SCAPER: variants seen among roughly 807,000 people sequenced by gnomAD.
SCAPER encodes the protein S-phase cyclin A associated protein in the ER, also known as S phase cyclin A-associated protein in the endoplasmic reticulum.
Under a neutral mutation model 182.2 loss-of-function variants are expected in SCAPER, and 98 were observed. The observed-to-expected ratio is 0.54, with a 90% confidence interval of 0.46 to 0.64. SCAPER has a LOEUF of 0.64. SCAPER is among the 30% of genes least tolerant of loss of function. The probability of loss-of-function intolerance (pLI) is 0.00; values close to 1 mark genes in which losing one functional copy is unlikely to be tolerated. For synonymous variants in SCAPER, 605 were observed against 564.6 expected, an observed-to-expected ratio of 1.07 and a Z score of -1.01; for missense variants, 1,432 against 1,690.0, an observed-to-expected ratio of 0.85 and a Z score of 2.68.
intron 8 of SCAPER, among the ~76,000 whole-genome samples, chr15:76,788,130 A>AC (rs2064748380): frequency 6.6e-6 from 1 of 152,220 alleles, no homozygotes; most frequent in African/African-American, 2.4e-5. Flanking sequence ...CACAATGCAC[A>AC]TATAAAAATA....
Position 76,488,714 on chromosome 15 carries a change from C to CTTTTTTT in SCAPER, c.2954+16138_2954+16144dup, listed in dbSNP as rs71143333. 2.2e-3 allele frequency among the ~76,000 whole-genome samples: 201 copies of CTTTTTTT among 93,116 alleles called. 44 individuals carry two copies. The highest frequency in any genetic ancestry group is 7.4e-3 in the African/African-American group (156 of 20,940). 61.1% of individuals were successfully genotyped at this position (93,116 alleles called of 152,430 possible). A position where few individuals can be genotyped will look rare whatever the true frequency, so the allele number is the denominator to read the frequency against. On this transcript the variant is annotated intron_variant, in intron 24 of 31. Transcript: ENST00000563290. The stretch of plus-strand genomic sequence containing the variant: ...TTGCATCCTGATAACAGTACACTGC[C>CTTTTTTT]TTTTTTTTTTTTTTTTTTTTTTTTT...
chr15:76,888,470 G>A (rs2073980542), intron 1 of SCAPER, among the ~76,000 whole-genome samples: 1 of 152,170 alleles, frequency 6.6e-6, no homozygotes, highest in African/African-American at 2.4e-5. Flanking sequence ...ACAGTGGAGA[G>A]AAGACCTTAA....
At chr15:76,539,549 T>C (rs111879700) in intron 23 of SCAPER, among the ~76,000 whole-genome samples, 2,338 of 147,358 alleles carry the variant, frequency 0.016, 70 homozygotes, top group African/African-American at 0.054. Context: ...AAATTTCTTT[T>C]TTTTTTTTTT....
chr15:76,492,024 T>C (rs1022582197), intron 24 of SCAPER, among the ~76,000 whole-genome samples: 1 of 152,234 alleles, frequency 6.6e-6, no homozygotes, highest in African/African-American at 2.4e-5. Context: ...AATCTCTTCA[T>C]GTGCTTACTT....
At chr15:76,577,448 A>G (rs2120107) in intron 22 of SCAPER, among the ~76,000 whole-genome samples, 71,903 of 151,846 alleles carry the variant, frequency 0.47, 18,402 homozygotes, top group Middle Eastern at 0.64. Context: ...CCCTGTTTCA[A>G]AAAGAAGAAG....
intron 15 of SCAPER, among the ~76,000 whole-genome samples, chr15:76,743,924 A>C (rs1262065229): frequency 6.6e-6 from 1 of 152,200 alleles, no homozygotes; most frequent in East Asian, 1.9e-4. Context: ...ACAGCATGGT[A>C]CTGGTACAAA....
At chr15:76,359,806 C>T (rs2041268823) in intron 29 of SCAPER, among the ~76,000 whole-genome samples, 1 of 152,186 alleles carries the variant, frequency 6.6e-6, no homozygotes, top group East Asian at 1.9e-4. Context: ...GGTATTGAAT[C>T]CTCCATTGCT....
intron 27 of SCAPER, among the ~76,000 whole-genome samples, chr15:76,394,831 C>T (rs1004009154): frequency 7.9e-5 from 12 of 152,134 alleles, no homozygotes; most frequent in Non-Finnish European, 1.2e-4. Context: ...AGCATTTATC[C>T]TTTGTGTTAC....
chr15:76,760,451 C>T (rs1440685543), intron 14 of SCAPER, among the ~76,000 whole-genome samples: 1 of 152,210 alleles, frequency 6.6e-6, no homozygotes, highest in African/African-American at 2.4e-5. Flanking sequence ...ATGCCCTCTC[C>T]AGGTGTGCCA....
chr15:76,604,698 T>A (rs969608405), intron 22 of SCAPER, among the ~76,000 whole-genome samples: 18 of 152,158 alleles, frequency 1.2e-4, no homozygotes, highest in Non-Finnish European at 2.6e-4. Context: ...CTCCTTTATT[T>A]CACTGAGCAG....
intron 24 of SCAPER, chr15:76,472,413 T>C: frequency 1.6e-6 from 1 of 629,510 alleles, no homozygotes; most frequent in Non-Finnish European, 2.9e-6. Flanking sequence ...GACTGTATAG[T>C]TTGAAATACT....
chr15:76,621,688 T>C (rs1414998812), intron 22 of SCAPER, 76 bp downstream of exon 22: 6 of 1,172,476 alleles, frequency 5.1e-6, no homozygotes, highest in African/African-American at 1.5e-5. Context: ...ATTACAGACA[T>C]AACATGATGG....
intron 1 of SCAPER, among the ~76,000 whole-genome samples, chr15:76,888,077 G>A (rs2073951718): frequency 6.6e-6 from 1 of 152,236 alleles, no homozygotes; most frequent in Admixed American, 6.5e-5. Context: ...CAGACCTGCA[G>A]CTGAGGGACC....
intron 20 of SCAPER, among the ~76,000 whole-genome samples, chr15:76,678,882 G>A (rs2057524321): frequency 6.6e-6 from 1 of 152,088 alleles, no homozygotes; most frequent in African/African-American, 2.4e-5. Flanking sequence ...TATGTATCAA[G>A]GACTTATGCT....
At chr15:76,842,652 C>T (rs991141102) in intron 4 of SCAPER, among the ~76,000 whole-genome samples, 1 of 152,120 alleles carries the variant, frequency 6.6e-6, no homozygotes, top group Non-Finnish European at 1.5e-5. Context: ...AACCAATCCC[C>T]CATGGATACT....
At chr15:76,607,702 A>T (rs368462967) in intron 22 of SCAPER, among the ~76,000 whole-genome samples, 1 of 151,492 alleles carries the variant, frequency 6.6e-6, no homozygotes, top group Non-Finnish European at 1.5e-5. Flanking sequence ...ATTTCTTGGA[A>T]GCTTTGTTCA....
At chr15:76,748,788 T>C (rs1490839801) in intron 15 of SCAPER, among the ~76,000 whole-genome samples, 1 of 151,714 alleles carries the variant, frequency 6.6e-6, no homozygotes, top group Non-Finnish European at 1.5e-5. Flanking sequence ...TAGATAAATT[T>C]CTTGAGTGAC....
intron 15 of SCAPER, among the ~76,000 whole-genome samples, chr15:76,734,224 A>G (rs2061101841): frequency 6.6e-6 from 1 of 152,214 alleles, no homozygotes; most frequent in South Asian, 2.1e-4. Context: ...CTTAATAGTC[A>G]AGTTTTGCTA....
intron 8 of SCAPER, among the ~76,000 whole-genome samples, chr15:76,781,120 A>G (rs1469629281): frequency 1.3e-5 from 2 of 152,194 alleles, no homozygotes; most frequent in African/African-American, 2.4e-5. Context: ...AACCCAACAT[A>G]AGGAAGCTAA....
Sources: allele counts gnomAD v4.1 joint callset (sites outside exome capture counted in the v4.1 genomes callset), GRCh38; gene constraint gnomAD v4.1.1; transcripts MANE v1.5; gene names NCBI Gene and HGNC (gene_info 2026-07-23, HGNC 2026-07-21).